Variants in B3GAT2 observed in about 807,000 individuals in gnomAD.
B3GAT2 encodes galactosylgalactosylxylosylprotein 3-beta-glucuronosyltransferase 2.
In B3GAT2, 26 loss-of-function variants were observed where a neutral mutation model predicts 27.8. That is an observed-to-expected ratio of 0.93 (90% CI 0.68 to 1.30). The LOEUF (loss-of-function observed/expected upper bound fraction) is 1.30. Ranked by LOEUF, B3GAT2 falls within the 50% of genes most tolerant of loss-of-function variation. The pLI is 0.00. For missense variants in B3GAT2, 458 were observed against 459.0 expected (o/e 1.00, Z 0.02); for synonymous variants, 218 against 195.1 (o/e 1.12, Z -0.98).
intron 1 of B3GAT2, among the ~76,000 whole-genome samples, chr6:70,934,697 C>T (rs1773113874): frequency 6.6e-6 from 1 of 152,104 alleles, no homozygotes; most frequent in Non-Finnish European, 1.5e-5. Context: ...AACTGAGAAA[C>T]ACTGCTGTAA....
At chr6:70,930,802 A>C (rs1038881559) in intron 1 of B3GAT2, among the ~76,000 whole-genome samples, 8 of 152,208 alleles carry the variant, frequency 5.3e-5, no homozygotes, top group African/African-American at 1.9e-4. Flanking sequence ...TAGAACTAGA[A>C]ATACCATTTG....
Position 70,857,186 on chromosome 6 carries a change from T to G in B3GAT2, c.*4477A>C. ...CTATGAAGCCGAAATGAATGAGCAT[T>G]AGAATTAAAAAATTAAGAGGCATGT... On this transcript the variant is annotated 3_prime_UTR_variant, in exon 4 of 4. Transcript: ENST00000230053. 3.0e-6 allele frequency: 2 copies of G among 665,582 alleles called. No homozygotes were observed. 41.2% of individuals were successfully genotyped at this position (665,582 alleles called of 1,614,324 possible).
chr6:70,905,250 G>A (rs1283590068), intron 1 of B3GAT2, among the ~76,000 whole-genome samples: 2 of 152,158 alleles, frequency 1.3e-5, no homozygotes, highest in Non-Finnish European at 2.9e-5. Flanking sequence ...AAACGCAAGA[G>A]TTACTGCTTT....
chr6:70,956,594 C>G lies in B3GAT2; in HGVS notation c.-165G>C. 2 of 1,441,514 alleles carry G rather than the reference C, an allele frequency of 1.4e-6. No individual in the cohort carries two copies. The highest frequency in any genetic ancestry group is 1.8e-6 in the Non-Finnish European group (2 of 1,104,190). The allele number at this position is 1,441,514 out of a possible 1,614,324, so 89.3% of individuals were successfully genotyped here. A position where few individuals can be genotyped will look rare whatever the true frequency, so the allele number is the denominator to read the frequency against. On this transcript the variant is annotated 5_prime_UTR_variant, in exon 1 of 4. Coordinates refer to ENST00000230053, the MANE Select transcript of B3GAT2 (RefSeq NM_080742.3). Reference sequence around the variant, plus strand: ...GACCTGGAGCCGCGGGGCTCACTACCTGGGCGTGGAGGAGCGGCAGGTTCG... The same window carrying G: ...GACCTGGAGCCGCGGGGCTCACTACGTGGGCGTGGAGGAGCGGCAGGTTCG...
chr6:70,863,108 ATC>A (rs1771790842), intron 2 of B3GAT2, among the ~76,000 whole-genome samples: 3 of 152,162 alleles, frequency 2.0e-5, no homozygotes, highest in African/African-American at 7.2e-5. Flanking sequence ...GAAGCCCTGG[ATC>A]TCTTTTTCCT....
At chr6:70,862,077 A>G (rs916699227) in intron 2 of B3GAT2, 99 bp from the exon 3 acceptor site, 2 of 1,100,796 alleles carry the variant, frequency 1.8e-6, no homozygotes, top group Non-Finnish European at 2.5e-6. Flanking sequence ...TTTTTAAAAT[A>G]CCTACTGTGT....
chr6:70,887,638 C>T (rs1397722471), intron 2 of B3GAT2, among the ~76,000 whole-genome samples: 2 of 152,050 alleles, frequency 1.3e-5, no homozygotes, highest in Non-Finnish European at 2.9e-5. Flanking sequence ...GGAGCCTCAA[C>T]AATTATAATG....
intron 1 of B3GAT2, among the ~76,000 whole-genome samples, chr6:70,923,581 T>G (rs1772905806): frequency 6.6e-6 from 1 of 152,020 alleles, no homozygotes; most frequent in South Asian, 2.1e-4. Context: ...GATGCTGAGG[T>G]GGAAGGATTA....
chr6:70,916,279 A>G (rs113268832), intron 1 of B3GAT2, among the ~76,000 whole-genome samples: 1 of 152,132 alleles, frequency 6.6e-6, no homozygotes, highest in Non-Finnish European at 1.5e-5. Flanking sequence ...GAAGTTGTTT[A>G]TCAGCTTAAG....
chr6:70,902,637 TACACACAC>T (rs1211771771), intron 1 of B3GAT2, among the ~76,000 whole-genome samples: 4 of 133,424 alleles, frequency 3.0e-5, no homozygotes, highest in Non-Finnish European at 4.9e-5. Context: ...TATATATATA[TACACACAC>T]ACACACACAC....
chr6:70,903,733 T>C (rs576392817), intron 1 of B3GAT2, among the ~76,000 whole-genome samples: 13 of 151,536 alleles, frequency 8.6e-5, no homozygotes, highest in Non-Finnish European at 1.3e-4. Flanking sequence ...AATGAAAAGA[T>C]TGGCAATACC....
intron 1 of B3GAT2, among the ~76,000 whole-genome samples, chr6:70,896,496 C>T (rs917567686): frequency 6.6e-6 from 1 of 152,128 alleles, no homozygotes; most frequent in Non-Finnish European, 1.5e-5. Flanking sequence ...TTAACACACC[C>T]AGCACCCCCA....
At chr6:70,890,305 C>T (rs1415148271) in intron 2 of B3GAT2, among the ~76,000 whole-genome samples, 2 of 152,110 alleles carry the variant, frequency 1.3e-5, no homozygotes, top group Non-Finnish European at 2.9e-5. Flanking sequence ...AGGATGCAAT[C>T]CGAGGCTGCC....
Position 70,945,287 on chromosome 6 carries a change from G to A in B3GAT2, c.591+10552C>T, listed in dbSNP as rs557293589. Among the ~76,000 whole-genome samples the A allele has an allele frequency of 2.0e-5, 3 of 152,276 alleles. No homozygotes were observed. The South Asian group carries it at 6.2e-4, about 32-fold the overall frequency. On this transcript the variant is annotated intron_variant, in intron 1 of 3. Transcript: ENST00000230053. ...TTCAAACTACTCCGAGCTACAGGAG[G>A]AAATTCAAGCCAAAGGCAAAGAAGT...
At chr6:70,955,018 A>C (rs1582405973) in intron 1 of B3GAT2, among the ~76,000 whole-genome samples, 1 of 152,250 alleles carries the variant, frequency 6.6e-6, no homozygotes, top group South Asian at 2.1e-4. Flanking sequence ...AGAAAGACGC[A>C]AAAGGCCCCG....
chr6:70,940,623 T>C (rs571701814), intron 1 of B3GAT2, among the ~76,000 whole-genome samples: 7 of 152,214 alleles, frequency 4.6e-5, no homozygotes, highest in East Asian at 1.9e-4. Flanking sequence ...TGGGATTACA[T>C]AGTAATTAAA....
At chr6:70,863,515 C>T (rs1314999919) in intron 2 of B3GAT2, among the ~76,000 whole-genome samples, 1 of 152,208 alleles carries the variant, frequency 6.6e-6, no homozygotes, top group African/African-American at 2.4e-5. Flanking sequence ...GGAGGTGGCA[C>T]ATTTTAGCAG....
At chr6:70,879,418 C>T (rs1462600425) in intron 2 of B3GAT2, among the ~76,000 whole-genome samples, 2 of 152,152 alleles carry the variant, frequency 1.3e-5, no homozygotes, top group African/African-American at 2.4e-5. Context: ...CCCCCTGACC[C>T]CCTGTGAATA....
chr6:70,923,662 T>C (rs1772907610), intron 1 of B3GAT2, among the ~76,000 whole-genome samples: 1 of 152,118 alleles, frequency 6.6e-6, no homozygotes, highest in Non-Finnish European at 1.5e-5. Flanking sequence ...AGACCCTGTC[T>C]CAATCAATCA....
Sources: allele counts gnomAD v4.1 joint callset (sites outside exome capture counted in the v4.1 genomes callset), GRCh38; gene constraint gnomAD v4.1.1; transcripts MANE v1.5; gene names NCBI Gene and HGNC (gene_info 2026-07-23, HGNC 2026-07-21).